The following SOX6 variants were observed in gnomAD, a reference collection of about 807,000 sequenced individuals.
SOX6 encodes the protein SRY-box transcription factor 6.
Under a neutral mutation model 97.8 loss-of-function variants are expected in SOX6, and 11 were observed. The observed-to-expected ratio is 0.11, with a 90% CI of 0.07 to 0.19. The LOEUF is 0.19. Among genes scored for constraint, SOX6 ranks in the 10% least tolerant of loss-of-function variants. SOX6 has a pLI of 1.00. For synonymous variants in SOX6, 360 were observed against 371.4 expected (o/e 0.97, Z 0.35); for missense variants, 810 against 1,039.5 (o/e 0.78, Z 3.04).
At chr11:16,499,619 A>C (rs1277972911) in intron 4 of SOX6, among the ~76,000 whole-genome samples, 2 of 152,220 alleles carry the variant, frequency 1.3e-5, no homozygotes, top group Non-Finnish European at 2.9e-5. Context: ...AAAAAACGAT[A>C]AAAGGAATAT....
At chr11:16,309,492 T>C (rs1294853199) in intron 3 of SOX6, among the ~76,000 whole-genome samples, 1 of 152,074 alleles carries the variant, frequency 6.6e-6, no homozygotes, top group African/African-American at 2.4e-5. Flanking sequence ...GATTGGAAAC[T>C]ATTTTAAAAC....
chr11:16,573,660 T>G (rs1398061956), intron 4 of SOX6, among the ~76,000 whole-genome samples: 1 of 152,344 alleles, frequency 6.6e-6, no homozygotes, highest in South Asian at 2.1e-4. Context: ...GCTGTGCAGA[T>G]AGTTAATAAA....
intron 9 of SOX6, among the ~76,000 whole-genome samples, chr11:16,083,929 G>A (rs1201159441): frequency 6.6e-6 from 1 of 152,124 alleles, no homozygotes; most frequent in African/African-American, 2.4e-5. Context: ...AGCCTCTGAA[G>A]ACCTTTCTAG....
At position 15,986,308 on chromosome 11, in the gene SOX6, T is replaced by C. The variant is rs764246964; in HGVS notation, c.2079A>G (p.Arg693=). The C allele has an allele frequency of 6.8e-6, 11 of 1,614,090 alleles. 1 individual carries two copies. In the Admixed American group the frequency reaches 1.3e-4, roughly 20 times the overall value. The change falls in exon 15 of 16, where the codon CGA becomes CGG. Residue 693 remains arginine (R), a synonymous_variant. Transcript: ENST00000683767. ...CATCAACAATGCAGGTGCGTTTCGG[T>C]CGGGGTTTGTATTTATAGTTTGGGT... ...EKYPNYKYKP[R]PKRTCIVDGK...
At chr11:16,198,025 CTGTTGT>C (rs66685848) in intron 4 of SOX6, among the ~76,000 whole-genome samples, 54,281 of 149,658 alleles carry the variant, frequency 0.36, 11,489 homozygotes, top group Non-Finnish European at 0.48. Flanking sequence ...TCAAGATTTC[CTGTTGT>C]TGTTGTTGTT....
At chr11:16,379,874 C>T (rs1857758357) in intron 1 of SOX6, among the ~76,000 whole-genome samples, 1 of 151,768 alleles carries the variant, frequency 6.6e-6, no homozygotes, top group South Asian at 2.1e-4. Flanking sequence ...TATGAAATGG[C>T]CACAATAGAA....
In SOX6 at chr11:16,059,382, A is replaced by T. The variant is rs570784611; in HGVS notation, c.1102-3481T>A. 5.9e-5 allele frequency among the ~76,000 whole-genome samples: 9 copies of T among 152,172 alleles called. No individual in the cohort carries two copies. In the East Asian group the frequency reaches 1.7e-3, roughly 29 times the overall value. ...GATGGTCACATTTCTATCATAATAAATAGAAAGCTTCCTAGATCATCAACC... is the reference window on the plus strand; with the variant it reads ...GATGGTCACATTTCTATCATAATAATTAGAAAGCTTCCTAGATCATCAACC... On this transcript the variant is annotated intron_variant, in intron 9 of 15. Coordinates refer to ENST00000683767, the MANE Select transcript of SOX6 (RefSeq NM_001367873.1).
intron 3 of SOX6, among the ~76,000 whole-genome samples, chr11:16,287,849 G>A (rs778602081): frequency 2.0e-5 from 3 of 152,102 alleles, no homozygotes; most frequent in Admixed American, 1.3e-4. Flanking sequence ...CTTGGGTACC[G>A]TCAGGTGGTT....
chr11:16,600,129 G>A (rs764636572), intron 4 of SOX6, among the ~76,000 whole-genome samples: 6 of 152,212 alleles, frequency 3.9e-5, no homozygotes, highest in Non-Finnish European at 7.3e-5. Context: ...GATGCACAAG[G>A]TCCCAGCAAT....
intron 3 of SOX6, among the ~76,000 whole-genome samples, chr11:16,620,241 G>T (rs117676696): frequency 1.6e-4 from 25 of 152,232 alleles, no homozygotes; most frequent in Non-Finnish European, 2.8e-4. Context: ...TTATGAGTGG[G>T]ATTCCAATGT....
Position 16,441,323 on chromosome 11 carries a change from T to C in SOX6, c.-5+34992A>G, listed in dbSNP as rs146570368. Among the ~76,000 whole-genome samples the C allele has an allele frequency of 6.0e-3, 913 of 152,318 alleles. 6 individuals carry two copies. The highest frequency in any genetic ancestry group is 0.013 in the Admixed American group (197 of 15,296). On this transcript the variant is annotated intron_variant, in intron 1 of 15. Coordinates refer to the SOX6 transcript ENST00000396356. ...CATTATTGATGCCCTTCCTTCTCAGTGCACATATATGTACACTTTTATTTG... is the reference window on the plus strand; with the variant it reads ...CATTATTGATGCCCTTCCTTCTCAGCGCACATATATGTACACTTTTATTTG...
intron 6 of SOX6, among the ~76,000 whole-genome samples, chr11:16,142,952 C>T (rs1330658757): frequency 6.6e-6 from 1 of 151,986 alleles, no homozygotes. Flanking sequence ...GGAGAATATC[C>T]CCAACCTAGC....
intron 1 of SOX6, among the ~76,000 whole-genome samples, chr11:16,470,277 T>C (rs999275269): frequency 2.0e-5 from 3 of 152,144 alleles, no homozygotes; most frequent in African/African-American, 7.2e-5. Context: ...ATGTCAAGAT[T>C]AGCCTGGAAT....
intron 4 of SOX6, among the ~76,000 whole-genome samples, chr11:16,494,874 A>C (rs1176292101): frequency 6.6e-6 from 1 of 152,208 alleles, no homozygotes. Context: ...GGAAGCTGCC[A>C]GGAGACCACG....
intron 6 of SOX6, among the ~76,000 whole-genome samples, chr11:16,173,316 T>C (rs148270926): frequency 7.0e-4 from 107 of 152,012 alleles, no homozygotes; most frequent in African/African-American, 2.4e-3. Flanking sequence ...TTGGAACTTC[T>C]AAGCTCCTGG....
chr11:16,051,845 A>G (rs1847694527), intron 10 of SOX6, among the ~76,000 whole-genome samples: 1 of 151,866 alleles, frequency 6.6e-6, no homozygotes, highest in African/African-American at 2.4e-5. Flanking sequence ...AATTGCATAC[A>G]TTAGTCTATT....
intron 7 of SOX6, among the ~76,000 whole-genome samples, chr11:16,099,692 T>C (rs1198486964): frequency 6.6e-6 from 1 of 151,550 alleles, no homozygotes; most frequent in Admixed American, 6.6e-5. Flanking sequence ...GTCATGCTTC[T>C]GTGCTATGAA....
At chr11:16,377,250 T>C (rs1438456435) in intron 1 of SOX6, among the ~76,000 whole-genome samples, 2 of 152,064 alleles carry the variant, frequency 1.3e-5, no homozygotes, top group Non-Finnish European at 2.9e-5. Context: ...GGAACCAGGG[T>C]AAAGCCGTTT....
chr11:16,314,372 T>C (rs183991785), intron 3 of SOX6: 5 of 152,274 alleles, frequency 3.3e-5, no homozygotes, highest in Admixed American at 3.3e-4. Context: ...AACCTTCCAA[T>C]GGCTTCCAAG....
Sources: gnomAD v4.1 joint callset for allele counts (sites outside exome capture counted in the v4.1 genomes callset) on GRCh38, gnomAD v4.1.1 for gene constraint, MANE v1.5 for transcripts, NCBI Gene and HGNC (gene_info 2026-07-23, HGNC 2026-07-21) for gene names.